CDYL: variants seen among roughly 807,000 people sequenced by gnomAD.
CDYL encodes chromodomain Y-like protein.
A neutral mutation model predicts 47.3 loss-of-function variants in CDYL; 8 were observed. That is an observed-to-expected ratio of 0.17 (90% confidence interval 0.10 to 0.31). The LOEUF (loss-of-function observed/expected upper bound fraction) is 0.31, where lower values mean the gene tolerates loss of function less well. Ranked by LOEUF, CDYL falls within the 10% of genes least tolerant of loss-of-function variation. CDYL has a pLI of 1.00. For synonymous variants in CDYL, 266 were observed against 265.0 expected (o/e 1.00, Z -0.04); for missense variants, 471 against 701.4 (o/e 0.67, Z 3.71).
Position 4,843,724 on chromosome 6 carries a change from C to T in CDYL, c.25-47989C>T, listed in dbSNP as rs572240711. Among the ~76,000 whole-genome samples, 5 of 151,980 alleles carry T rather than the reference C, an allele frequency of 3.3e-5. No homozygotes were observed. In the South Asian group the frequency reaches 1.0e-3, roughly 32 times the overall value. On this transcript the variant is annotated intron_variant, in intron 1 of 6. Transcript: ENST00000397588. The stretch of plus-strand genomic sequence containing the variant: ...TATTTCACTGAAGATTTTCTCCTTC[C>T]TATCTTGTATCATTTTTATGGTTTT...
chr6:4,943,446 CG>C, intron 4 of CDYL, 99 bp from the exon 5 acceptor site: 5 of 828,120 alleles, frequency 6.0e-6, no homozygotes, highest in Non-Finnish European at 9.6e-6. Flanking sequence ...TCAGGATTTC[CG>C]TAGCATTTAC....
intron 2 of CDYL, among the ~76,000 whole-genome samples, chr6:4,914,594 G>T (rs1757504926): frequency 1.3e-5 from 2 of 152,208 alleles, no homozygotes; most frequent in South Asian, 4.1e-4. Context: ...CATCCTGCAA[G>T]TTCAAGAACA....
At chr6:4,855,944 A>G (rs1049410002) in intron 1 of CDYL, among the ~76,000 whole-genome samples, 2 of 152,230 alleles carry the variant, frequency 1.3e-5, no homozygotes, top group African/African-American at 4.8e-5. Flanking sequence ...CTCATTGTCC[A>G]TTTGTTGCCA....
At chr6:4,744,863 G>T (rs1432584680) in intron 3 of CDYL, among the ~76,000 whole-genome samples, 2 of 151,774 alleles carry the variant, frequency 1.3e-5, no homozygotes, top group African/African-American at 4.8e-5. Context: ...TTTCTTCAAA[G>T]AAATGACTCT....
intron 2 of CDYL, among the ~76,000 whole-genome samples, chr6:4,901,248 G>T (rs1425939921): frequency 6.6e-6 from 1 of 152,114 alleles, no homozygotes; most frequent in East Asian, 1.9e-4. Flanking sequence ...AGGACAAAGG[G>T]GGGGAAATCA....
At chr6:4,953,381 G>A (rs1192486070) in intron 6 of CDYL, among the ~76,000 whole-genome samples, 1 of 151,198 alleles carries the variant, frequency 6.6e-6, no homozygotes, top group Non-Finnish European at 1.5e-5. Flanking sequence ...AAGACCCTGT[G>A]TCAAAAAAAA....
chr6:4,764,359 G>C (rs530805493), intron 3 of CDYL, among the ~76,000 whole-genome samples: 1 of 151,928 alleles, frequency 6.6e-6, no homozygotes, highest in Non-Finnish European at 1.5e-5. Context: ...GCATGATCTC[G>C]GCTCACTGCA....
At position 4,952,180 on chromosome 6, in the gene CDYL, T is replaced by C. The variant is rs969858981; in HGVS notation, c.1333-86T>C. 2.7e-6 allele frequency: 4 copies of C among 1,472,440 alleles called. No homozygotes were observed. In the African/African-American group the frequency reaches 5.6e-5, roughly 21 times the overall value. 91.2% of individuals were successfully genotyped at this position (1,472,440 alleles called of 1,614,324 possible). ...TGCGGGGCTGGTATTTGTGAATGTT[T>C]CCCTTCGGTGTGGATTTTAAGGGAT... On this transcript the variant is annotated intron_variant, in intron 5 of 6. Coordinates refer to ENST00000397588, the MANE Select transcript of CDYL (RefSeq NM_004824.4).
intron 2 of CDYL, among the ~76,000 whole-genome samples, chr6:4,721,271 T>C (rs1757364193): frequency 6.6e-6 from 1 of 152,104 alleles, no homozygotes; most frequent in African/African-American, 2.4e-5. Flanking sequence ...TATTTCCTTT[T>C]TCTTAAAAAA....
chr6:4,861,176 G>A (rs1561674997), intron 1 of CDYL, among the ~76,000 whole-genome samples: 1 of 152,220 alleles, frequency 6.6e-6, no homozygotes, highest in Non-Finnish European at 1.5e-5. Flanking sequence ...AGCAAAATGG[G>A]AAGCCTATCT....
intron 2 of CDYL, among the ~76,000 whole-genome samples, chr6:4,725,513 A>T (rs997249749): frequency 2.0e-5 from 3 of 152,356 alleles, no homozygotes; most frequent in Admixed American, 6.5e-5. Flanking sequence ...CCCGGCGAGA[A>T]GTCGAGCACA....
At chr6:4,768,798 A>G (rs1758294003) in intron 3 of CDYL, among the ~76,000 whole-genome samples, 1 of 152,190 alleles carries the variant, frequency 6.6e-6, no homozygotes, top group African/African-American at 2.4e-5. Context: ...AAATCTGACA[A>G]GCACTGTATT....
intron 3 of CDYL, among the ~76,000 whole-genome samples, chr6:4,756,580 ATGTGTG>A (rs4053260): frequency 2.1e-5 from 3 of 142,812 alleles, no homozygotes; most frequent in Non-Finnish European, 3.1e-5. Context: ...TATCGTGTGT[ATGTGTG>A]TGTGTGTGTG....
At chr6:4,887,705 C>T (rs1761933754) in intron 1 of CDYL, among the ~76,000 whole-genome samples, 1 of 152,108 alleles carries the variant, frequency 6.6e-6, no homozygotes, top group Non-Finnish European at 1.5e-5. Context: ...TCAGCCAAAA[C>T]TAGCTAGAAC....
chr6:4,844,159 A>T (rs1001405391), intron 1 of CDYL, among the ~76,000 whole-genome samples: 4 of 152,176 alleles, frequency 2.6e-5, no homozygotes, highest in African/African-American at 9.7e-5. Flanking sequence ...GAGTGTCTGC[A>T]CAGAGTCCTG....
In CDYL at chr6:4,758,351, A is replaced by AATATATATATATAT. The variant is rs56250752; in HGVS notation, c.186+23514_186+23527dup. 1.3e-3 allele frequency among the ~76,000 whole-genome samples: 166 copies of AATATATATATATAT among 129,056 alleles called. 1 individual carries two copies. The highest frequency in any genetic ancestry group is 4.5e-3 in the African/African-American group (147 of 32,670). The allele number at this position is 129,056 out of a possible 152,430, so 84.7% of individuals were successfully genotyped here. On this transcript the variant is annotated intron_variant, in intron 3 of 8. Coordinates refer to the CDYL transcript ENST00000328908. ...AAGACTCATGTCTTGAAAATAAATA[A>AATATATATATATAT]ATATATATATATATATATATCTCTT...
chr6:4,707,166 G>A (rs2127405080), intron 1 of CDYL, among the ~76,000 whole-genome samples: 1 of 152,272 alleles, frequency 6.6e-6, no homozygotes, highest in East Asian at 1.9e-4. Flanking sequence ...ATTCCCCAGG[G>A]GTGTATTCCT....
At chr6:4,890,042 C>T in intron 1 of CDYL, 1 of 985,446 alleles carries the variant, frequency 1.0e-6, no homozygotes, top group Middle Eastern at 5.2e-4. Flanking sequence ...AGGCTCCTGC[C>T]TCGGCTCTAA....
chr6:4,815,673 CTTTTTT>C (rs35346944), intron 1 of CDYL, among the ~76,000 whole-genome samples: 1 of 113,658 alleles, frequency 8.8e-6, no homozygotes, highest in African/African-American at 3.3e-5. Context: ...TGAGATTTCA[CTTTTTT>C]TTTTTTTTTT....
Sources: gnomAD v4.1 joint callset for allele counts (sites outside exome capture counted in the v4.1 genomes callset) on GRCh38, gnomAD v4.1.1 for gene constraint, MANE v1.5 for transcripts, NCBI Gene and HGNC (gene_info 2026-07-23, HGNC 2026-07-21) for gene names.